DNMT3A: variants seen among roughly 807,000 people sequenced by gnomAD.
DNMT3A encodes DNA methyltransferase 3 alpha.
In DNMT3A, 267 loss-of-function variants were observed where a neutral mutation model predicts 117.6. The ratio of observed to expected loss-of-function variants is 2.27; its 90% CI spans 2.05 to 2.51. The LOEUF (loss-of-function observed/expected upper bound fraction) is 2.51. Ranked by LOEUF, DNMT3A falls within the 30% of genes most tolerant of loss-of-function variation. The pLI, the probability that DNMT3A is intolerant of heterozygous loss-of-function variation, is 0.00. For synonymous variants in DNMT3A, 432 were observed against 474.8 expected (o/e 0.91, Z 1.17); for missense variants, 1,029 against 1,260.2 (o/e 0.82, Z 2.78).
Position 25,247,875 on chromosome 2 carries a change from A to T in DNMT3A, c.856-126T>A. ...ACAGCCAGGAGGGAGCTCCATCTGA[A>T]TGAGGCAAGACAGAGCAAAATCGGG... On this transcript the variant is annotated intron_variant, in intron 7 of 22. Transcript: ENST00000321117. The surrounding 1 kb of genome is among the most constrained non-coding windows in gnomAD (Gnocchi z 5.6). 6.6e-7 allele frequency: 1 copy of T among 1,526,502 alleles called. No individual in the cohort carries two copies. Among genetic ancestry groups the T allele is most frequent in the Non-Finnish European group, 8.8e-7 (1 of 1,136,268 alleles). The allele number at this position is 1,526,502 out of a possible 1,614,324, so 94.6% of individuals were successfully genotyped here. A position where few individuals can be genotyped will look rare whatever the true frequency, so the allele number is the denominator to read the frequency against.
At position 25,234,823 on chromosome 2, in the gene DNMT3A, A is replaced by C. The variant is rs541798210; in HGVS notation, c.2598-403T>G. Among the ~76,000 whole-genome samples, 23 of 152,276 alleles carry C rather than the reference A, an allele frequency of 1.5e-4. 1 individual carries two copies. The highest frequency in any genetic ancestry group is 5.1e-4 in the African/African-American group (21 of 41,550). On this transcript the variant is annotated intron_variant, in intron 22 of 22. Transcript: ENST00000321117. The surrounding 1 kb of genome is among the most constrained non-coding windows in gnomAD (Gnocchi z 4.5). ...TACACCTGGAGTCTGCATGTAACGA[A>C]CACGTAGCCCTAGCATCCTCCCCAT...
chr2:25,284,645 T>TGAAAAAAAAAA (rs1287436463), intron 3 of DNMT3A, among the ~76,000 whole-genome samples: 1 of 16,632 alleles, frequency 6.0e-5, no homozygotes, highest in Non-Finnish European at 9.7e-5. Flanking sequence ...AGACTCCATC[T>TGAAAAAAAAAA]AAAAAAAAAA....
intron 2 of DNMT3A, among the ~76,000 whole-genome samples, chr2:25,301,411 C>T (rs1174508961): frequency 3.3e-5 from 5 of 152,296 alleles, no homozygotes; most frequent in East Asian, 1.9e-4. Context: ...GAGCTGGCAC[C>T]GCGCATGCCT....
chr2:25,246,627 TGGCTCC>T lies in DNMT3A; in HGVS notation c.1266_1271del (p.Glu423_Pro424del). The T allele has an allele frequency of 6.2e-7, 1 of 1,609,368 alleles. No individual in the cohort carries two copies. The highest frequency in any genetic ancestry group is 8.5e-7 in the Non-Finnish European group (1 of 1,177,832). ...CTGGGTGCCCTCATTTACCTTCTGG[TGGCTCC>T]AGGCCCTTAGGGCCAGAAGGCTGGA... On this transcript the variant is annotated inframe_deletion, in exon 10 of 23. Transcript: ENST00000321117.
At chr2:25,331,629 T>C (rs1367533750) in intron 1 of DNMT3A, among the ~76,000 whole-genome samples, 2 of 152,200 alleles carry the variant, frequency 1.3e-5, no homozygotes, top group Non-Finnish European at 2.9e-5. Context: ...AGGCGCTAAC[T>C]CATCAGCATT....
intron 2 of DNMT3A, among the ~76,000 whole-genome samples, chr2:25,307,086 C>G (rs949581888): frequency 6.6e-6 from 1 of 152,226 alleles, no homozygotes; most frequent in African/African-American, 2.4e-5. Context: ...CTGCTCTGGG[C>G]GCCCCCTAAC....
chr2:25,288,628 C>A (rs998687521), intron 3 of DNMT3A, among the ~76,000 whole-genome samples: 1 of 152,194 alleles, frequency 6.6e-6, no homozygotes, highest in Admixed American at 6.5e-5. Flanking sequence ...CTTTTTTAAA[C>A]TTCTAAAAAC....
intron 2 of DNMT3A, among the ~76,000 whole-genome samples, chr2:25,312,466 TGCTGG>T (rs1331400542): frequency 1.3e-5 from 2 of 152,162 alleles, no homozygotes; most frequent in Non-Finnish European, 2.9e-5. Flanking sequence ...CTCTACAGGG[TGCTGG>T]GCTGGGAAGG....
chr2:25,269,328 G>A (rs13389220), intron 6 of DNMT3A, among the ~76,000 whole-genome samples: 6,663 of 152,224 alleles, frequency 0.044, 474 homozygotes, highest in African/African-American at 0.15. Context: ...AACTGTCTCA[G>A]ACAAACAAAC....
At chr2:25,243,871 A>G (rs1357337844) in intron 16 of DNMT3A, 27 bp downstream of exon 16, 1 of 1,551,716 alleles carries the variant, frequency 6.4e-7, no homozygotes. Context: ...CAAGGCGGCC[A>G]GCACCTCTTG....
Position 25,298,766 on chromosome 2 carries a change from A to G in DNMT3A, c.177+1373T>C, listed in dbSNP as rs1367837010. On this transcript the variant is annotated intron_variant, in intron 3 of 22. Coordinates refer to ENST00000321117, the MANE Select transcript of DNMT3A (RefSeq NM_022552.5). The surrounding 1 kb of genome is among the most constrained non-coding windows in gnomAD (Gnocchi z 4.3). ...AATTTTTCATTCCAGAATGAATTTCATTCATTACATATCCACGTTTGCTTT... is the reference window on the plus strand; with the variant it reads ...AATTTTTCATTCCAGAATGAATTTCGTTCATTACATATCCACGTTTGCTTT... Among the ~76,000 whole-genome samples the G allele has an allele frequency of 1.3e-5, 2 of 152,202 alleles. No homozygotes were observed. Among genetic ancestry groups the G allele is most frequent in the Admixed American group, 1.3e-4 (2 of 15,286 alleles).
Position 25,246,027 on chromosome 2 carries a change from G to A in DNMT3A, c.1467C>T (p.Asn489=). The A allele has an allele frequency of 6.2e-7, 1 of 1,614,060 alleles. No individual in the cohort carries two copies. The highest frequency in any genetic ancestry group is 8.5e-7 in the Non-Finnish European group (1 of 1,179,920). The change falls in exon 12 of 23, where the codon AAC becomes AAT. Residue 489 remains asparagine, a synonymous_variant. Transcript: ENST00000321117. ...LVYEVRQKCR[N]IEDICISCGS... is the part of the protein sequence containing the mutation. ...CCCAGGCAACAAACTTACCCTCAATGTTCCGGCACTTCTGCCGCACCTCGT... is the reference window on the plus strand; with the variant it reads ...CCCAGGCAACAAACTTACCCTCAATATTCCGGCACTTCTGCCGCACCTCGT...
rs949175818 is a variant in DNMT3A at position 25,327,650 on chromosome 2, A to G, written c.-177-13489T>C. 4.6e-5 allele frequency among the ~76,000 whole-genome samples: 7 copies of G among 152,132 alleles called. No individual in the cohort carries two copies. Among genetic ancestry groups the G allele is most frequent in the African/African-American group, 1.7e-4 (7 of 41,472 alleles). The stretch of plus-strand genomic sequence containing the variant: ...CATGTTCTACCTTCAGCTTCTCTCT[A>G]AATGCTCTTCCTCTAAGACACCTGG... On this transcript the variant is annotated intron_variant, in intron 1 of 22. Transcript: ENST00000321117. The surrounding 1 kb of genome is among the most constrained non-coding windows in gnomAD (Gnocchi z 4.1).
At position 25,282,991 on chromosome 2, in the gene DNMT3A, G is replaced by A. The variant is rs1227729095; in HGVS notation, c.178-280C>T. ...TGCCAGCCTGGTTGCACTTCTCAAG[G>A]GATCGGCTCCCCCATCCCACCGCCA... On this transcript the variant is annotated intron_variant, in intron 3 of 22. Transcript: ENST00000321117. This position sits in a 1 kb window ranked among gnomAD's most constrained non-coding sequence, Gnocchi z 5.2. Among the ~76,000 whole-genome samples, 1 of 152,036 alleles carries A rather than the reference G, an allele frequency of 6.6e-6. No individual in the cohort carries two copies. The highest frequency in any genetic ancestry group is 6.6e-5 in the Admixed American group (1 of 15,252).
At position 25,311,861 on chromosome 2, in the gene DNMT3A, G is replaced by A. The variant is rs188425870; in HGVS notation, c.72+2052C>T. On this transcript the variant is annotated intron_variant, in intron 2 of 22. Transcript: ENST00000321117. The surrounding 1 kb of genome is among the most constrained non-coding windows in gnomAD (Gnocchi z 5.2). ...TGGCATACTCAGGACTAGGACCTGG[G>A]ATTTCTGACTCCTGGTCCAGCGTTG... Among the ~76,000 whole-genome samples the A allele has an allele frequency of 3.9e-5, 6 of 152,292 alleles. No homozygotes were observed. Among genetic ancestry groups the A allele is most frequent in the South Asian group, 2.1e-4 (1 of 4,822 alleles).
Position 25,252,959 on chromosome 2 carries a change from C to A in DNMT3A, c.640-4707G>T, listed in dbSNP as rs181019330. On this transcript the variant is annotated intron_variant, in intron 6 of 22. Transcript: ENST00000321117. This position sits in a 1 kb window ranked among gnomAD's most constrained non-coding sequence, Gnocchi z 5.5. ...AGCGGGGGGGCCTCAAAAAGCGCGG[C>A]GTGAGGAGGTCAGGCTTCGAGTCCC... 2.8e-3 allele frequency among the ~76,000 whole-genome samples: 419 copies of A among 152,142 alleles called. 3 individuals are homozygous for A. Among genetic ancestry groups the A allele is most frequent in the Non-Finnish European group, 7.4e-4 (50 of 67,970 alleles).
In DNMT3A at chr2:25,234,381, G is replaced by A. The variant is rs2149253084; in HGVS notation, c.2637C>T (p.Asn879=). 1 of 1,614,160 alleles carries A rather than the reference G, an allele frequency of 6.2e-7. No homozygotes were observed. Among genetic ancestry groups the A allele is most frequent in the Non-Finnish European group, 8.5e-7 (1 of 1,180,012 alleles). ...GFPVHYTDVS[N]MSRLARQRLL... is the part of the protein sequence containing the mutation. ...GTCTCTGCCTCGCCAAGCGGCTCATGTTGGAGACGTCAGTATAGTGGACTG... is the reference window on the plus strand; with the variant it reads ...GTCTCTGCCTCGCCAAGCGGCTCATATTGGAGACGTCAGTATAGTGGACTG... Residue 879 remains asparagine (N), a synonymous_variant, in exon 23 of 23, where the codon AAC becomes AAT. Coordinates refer to ENST00000321117, the MANE Select transcript of DNMT3A (RefSeq NM_022552.5). The surrounding 1 kb of genome is among the most constrained non-coding windows in gnomAD (Gnocchi z 4.5).
intron 1 of DNMT3A, among the ~76,000 whole-genome samples, chr2:25,320,104 T>G (rs1276850310): frequency 6.6e-6 from 1 of 152,182 alleles, no homozygotes; most frequent in Non-Finnish European, 1.5e-5. Context: ...ATGTGTGTCC[T>G]GGAAGATGTG....
chr2:25,320,510 A>C (rs1307084168), intron 1 of DNMT3A, among the ~76,000 whole-genome samples: 1 of 152,230 alleles, frequency 6.6e-6, no homozygotes, highest in Admixed American at 6.5e-5. Flanking sequence ...TCAGTTAAAA[A>C]GAAAAAAAGA....
Sources: allele counts gnomAD v4.1 joint callset (sites outside exome capture counted in the v4.1 genomes callset), GRCh38; gene constraint gnomAD v4.1.1; non-coding constraint Gnocchi (gnomAD v3.1); transcripts MANE v1.5; gene names NCBI Gene and HGNC (gene_info 2026-07-23, HGNC 2026-07-21).